Variants in LAMA2 observed in about 807,000 individuals in gnomAD.
LAMA2 encodes laminin subunit alpha 2, also known as laminin subunit alpha-2.
A neutral mutation model predicts 364.8 loss-of-function variants in LAMA2; 269 were observed. The observed-to-expected ratio is 0.74, with a 90% CI of 0.67 to 0.82. The LOEUF (loss-of-function observed/expected upper bound fraction) is 0.82. Among genes scored for constraint, LAMA2 ranks in the 40% least tolerant of loss-of-function variants. The pLI, the probability that LAMA2 is intolerant of heterozygous loss-of-function variation, is 0.00. For synonymous variants in LAMA2, 1,379 were observed against 1,370.6 expected (o/e 1.01, Z -0.14); for missense variants, 3,807 against 3,873.2 (o/e 0.98, Z 0.45).
In LAMA2 at chr6:129,160,640, C is replaced by A. The variant is rs7750354; in HGVS notation, c.1207-4936C>A. 9.5e-3 allele frequency among the ~76,000 whole-genome samples: 1,440 copies of A among 151,876 alleles called. 21 individuals are homozygous for A. Among genetic ancestry groups the A allele is most frequent in the African/African-American group, 0.033 (1,367 of 41,514 alleles). ...AATTTCATTTTCTTTTTCTACCTAT[C>A]AATTTGGAAAGTTAAATTATGATTT... On this transcript the variant is annotated intron_variant, in intron 8 of 64. Coordinates refer to ENST00000421865, the MANE Select transcript of LAMA2 (RefSeq NM_000426.4).
At chr6:129,378,963 C>G (rs890236968) in intron 34 of LAMA2, among the ~76,000 whole-genome samples, 2 of 152,076 alleles carry the variant, frequency 1.3e-5, no homozygotes, top group Admixed American at 6.6e-5. Flanking sequence ...ACCTAAGTGC[C>G]CATCAATAAT....
chr6:129,285,875 T>A (rs1164288267), intron 18 of LAMA2, among the ~76,000 whole-genome samples: 1 of 152,150 alleles, frequency 6.6e-6, no homozygotes, highest in Non-Finnish European at 1.5e-5. Context: ...TTCTAAGCAG[T>A]ATTTATACAA....
At chr6:128,922,535 G>A (rs1384396479) in intron 1 of LAMA2, among the ~76,000 whole-genome samples, 30 of 151,202 alleles carry the variant, frequency 2.0e-4, no homozygotes, top group African/African-American at 4.6e-4. Flanking sequence ...CATGTCCTTC[G>A]CCCACTTGTT....
intron 1 of LAMA2, among the ~76,000 whole-genome samples, chr6:128,933,709 T>G (rs1267620675): frequency 6.6e-6 from 1 of 152,222 alleles, no homozygotes; most frequent in Non-Finnish European, 1.5e-5. Flanking sequence ...CTGTTGGCCA[T>G]TTGTATGTCT....
At chr6:129,365,401 C>T (rs1222071371) in intron 32 of LAMA2, among the ~76,000 whole-genome samples, 2 of 152,066 alleles carry the variant, frequency 1.3e-5, no homozygotes, top group African/African-American at 2.4e-5. Flanking sequence ...CTCAGTCTGT[C>T]GCCCAGGCTG....
At chr6:128,892,360 A>G (rs1368516059) in intron 1 of LAMA2, among the ~76,000 whole-genome samples, 1 of 152,022 alleles carries the variant, frequency 6.6e-6, no homozygotes, top group African/African-American at 2.4e-5. Context: ...AACATGATGG[A>G]AATTTTTGCA....
intron 1 of LAMA2, among the ~76,000 whole-genome samples, chr6:128,962,185 T>TATATATATATATATACACACAC (rs1214826895): frequency 6.7e-5 from 7 of 103,916 alleles, no homozygotes; most frequent in African/African-American, 2.6e-4. Context: ...TATATATATA[T>TATATATATATATATACACACAC]ACACACATAC....
At chr6:129,017,356 C>T (rs1183930718) in intron 1 of LAMA2, among the ~76,000 whole-genome samples, 4 of 151,834 alleles carry the variant, frequency 2.6e-5, no homozygotes, top group Admixed American at 1.3e-4. Context: ...AAATGTTATT[C>T]ATGAGAGTAT....
chr6:129,271,565 G>A (rs1294614934), intron 17 of LAMA2, among the ~76,000 whole-genome samples: 2 of 149,836 alleles, frequency 1.3e-5, no homozygotes, highest in Non-Finnish European at 3.0e-5. Context: ...TGCCTCCCGG[G>A]TTCAAGCCAT....
At chr6:129,237,776 C>G (rs1785095679) in intron 12 of LAMA2, among the ~76,000 whole-genome samples, 1 of 152,044 alleles carries the variant, frequency 6.6e-6, no homozygotes, top group Admixed American at 6.6e-5. Flanking sequence ...ATGCTACCAC[C>G]AATGCATGAG....
chr6:129,156,492 T>A (rs1779122031), intron 8 of LAMA2, among the ~76,000 whole-genome samples: 1 of 151,932 alleles, frequency 6.6e-6, no homozygotes, highest in Non-Finnish European at 1.5e-5. Context: ...TTTTGAATAT[T>A]GACTTTATGC....
At chr6:129,428,001 C>A in intron 41 of LAMA2, 147 bp downstream of exon 41, 1 of 669,888 alleles carries the variant, frequency 1.5e-6, no homozygotes, top group South Asian at 1.7e-5. Context: ...AACTTTCTCA[C>A]TAGTTTTACA....
rs116179760 is a variant in LAMA2, at chr6:129,183,767, C to A, written c.1467+5901C>A. Among the ~76,000 whole-genome samples, 999 of 151,668 alleles carry A rather than the reference C, an allele frequency of 6.6e-3. 8 individuals carry two copies. The highest frequency in any genetic ancestry group is 0.023 in the African/African-American group (960 of 41,404). On this transcript the variant is annotated intron_variant, in intron 10 of 64. Transcript: ENST00000421865. ...TCTCATGGCATAATCACTTTTCAAA[C>A]CTTTTTCTTTTCTTTTATGATCTCA...
chr6:129,223,181 A>G (rs1441958980), intron 12 of LAMA2, among the ~76,000 whole-genome samples: 1 of 151,908 alleles, frequency 6.6e-6, no homozygotes, highest in Non-Finnish European at 1.5e-5. Context: ...CCCAATTTTG[A>G]TGGGGTTATT....
intron 9 of LAMA2, among the ~76,000 whole-genome samples, chr6:129,174,454 C>G (rs1276995615): frequency 6.6e-6 from 1 of 151,328 alleles, no homozygotes; most frequent in African/African-American, 2.4e-5. Flanking sequence ...AACTCTTATT[C>G]ATATGGACTT....
intron 3 of LAMA2, among the ~76,000 whole-genome samples, chr6:129,084,074 C>T (rs1388994859): frequency 3.3e-5 from 5 of 152,110 alleles, no homozygotes; most frequent in African/African-American, 1.2e-4. Flanking sequence ...ATTTGTAAAA[C>T]AAATGGATTA....
At chr6:128,951,463 C>A (rs1432013500) in intron 1 of LAMA2, among the ~76,000 whole-genome samples, 1 of 152,016 alleles carries the variant, frequency 6.6e-6, no homozygotes, top group African/African-American at 2.4e-5. Context: ...AGCATCCTCC[C>A]AGCATAATGT....
intron 1 of LAMA2, among the ~76,000 whole-genome samples, chr6:128,934,875 A>G (rs1779716317): frequency 1.3e-5 from 2 of 152,144 alleles, no homozygotes; most frequent in South Asian, 4.1e-4. Context: ...TCTGTAGATC[A>G]TTTTGGGTAA....
intron 22 of LAMA2, among the ~76,000 whole-genome samples, chr6:129,309,902 ATTTT>A (rs993652081): frequency 7.4e-6 from 1 of 135,788 alleles, no homozygotes. Context: ...CCTGATAATC[ATTTT>A]TTTTTTTTTT....
Sources: allele counts gnomAD v4.1 joint callset (sites outside exome capture counted in the v4.1 genomes callset), GRCh38; gene constraint gnomAD v4.1.1; transcripts MANE v1.5; gene names NCBI Gene and HGNC (gene_info 2026-07-23, HGNC 2026-07-21).